The following CDC14A variants were observed in gnomAD, a reference collection of about 807,000 sequenced individuals.
The protein encoded by CDC14A is dual specificity protein phosphatase CDC14A.
CDC14A carries 53 observed loss-of-function variants against 74.4 expected under a neutral mutation model. That is an observed-to-expected ratio of 0.71 (90% CI 0.57 to 0.89). CDC14A has a LOEUF of 0.89. Among genes scored for constraint, CDC14A ranks in the 40% least tolerant of loss-of-function variants. CDC14A has a pLI of 0.00. For synonymous variants in CDC14A, 247 were observed against 258.4 expected (o/e 0.96, Z 0.43); for missense variants, 646 against 713.7 (o/e 0.91, Z 1.08).
rs747342917 is a variant in CDC14A at position 100,499,158 on chromosome 1, C to G, written c.1651C>G (p.Pro551Ala). The change falls in exon 15 of 16, where the codon CCA becomes GCA. Residue 551 changes from proline (P) to alanine (A), a missense_variant. Physicochemically the swap from Pro to Ala is conservative, Grantham distance 27. Transcript: ENST00000336454. ...CAACGGGGGCAACCTGAACAGCCCC[C>G]CAGGCCCCCACAGCGCCAAGACAGA... is the stretch of plus-strand genomic sequence containing the variant. ...NSNGGNLNSP[P>A]GPHSAKTEEH... 1.2e-6 allele frequency: 2 copies of G among 1,614,134 alleles called. No individual in the cohort carries two copies. The highest frequency in any genetic ancestry group is 1.6e-4 in the Middle Eastern group (1 of 6,062).
chr1:100,385,381 C>G (rs1656692848), intron 3 of CDC14A, among the ~76,000 whole-genome samples: 1 of 152,154 alleles, frequency 6.6e-6, no homozygotes. Context: ...ACCCAGCAAT[C>G]TGTGTTTTAA....
chr1:100,466,940 T>A (rs1667891365), intron 9 of CDC14A, among the ~76,000 whole-genome samples: 1 of 151,740 alleles, frequency 6.6e-6, no homozygotes, highest in South Asian at 2.1e-4. Context: ...ACAAAATTGT[T>A]GTTTTAGTGG....
At position 100,447,458 on chromosome 1, in the gene CDC14A, CT is replaced by C. The variant is rs1314898259; in HGVS notation, c.519+4463del. Among the ~76,000 whole-genome samples the C allele has an allele frequency of 6.6e-5, 10 of 152,336 alleles. No homozygotes were observed. The East Asian group carries it at 1.9e-3, about 29-fold the overall frequency. ...ATGCTGGGAAGGTCCACAAAAGTAA[CT>C]GTGAGATGGTGGTCCAAAACCTTCC... is the stretch of plus-strand genomic sequence containing the variant. On this transcript the variant is annotated intron_variant, in intron 7 of 15. Coordinates refer to ENST00000336454, the MANE Select transcript of CDC14A (RefSeq NM_003672.4).
Position 100,377,583 on chromosome 1 carries a change from G to A in CDC14A, c.178G>A (p.Val60Met). The A allele has an allele frequency of 1.2e-6, 2 of 1,613,650 alleles. No homozygotes were observed. The highest frequency in any genetic ancestry group is 2.2e-5 in the East Asian group (1 of 44,860). Reference sequence around the variant, plus strand: ...TTTTGGACCGCTGAACTTGGCAATGGTGTACAGATATTGCTGCAAACTAAA... The same window carrying A: ...TTTTGGACCGCTGAACTTGGCAATGATGTACAGATATTGCTGCAAACTAAA... ...ADFGPLNLAM[V>M]YRYCCKLNKK... Residue 60 changes from valine (V) to methionine (M), a missense_variant, in exon 3 of 16, where the codon GTG becomes ATG. By Grantham distance (21) the Val-to-Met change is conservative. Transcript: ENST00000336454.
intron 1 of CDC14A, among the ~76,000 whole-genome samples, chr1:100,346,643 A>AC (rs1212886421): frequency 3.9e-5 from 6 of 152,136 alleles, no homozygotes; most frequent in African/African-American, 7.2e-5. Flanking sequence ...AAAAAAAAAA[A>AC]AAAAAAGTAG....
chr1:100,452,466 G>C (rs948085681), intron 7 of CDC14A, among the ~76,000 whole-genome samples: 1 of 152,096 alleles, frequency 6.6e-6, no homozygotes, highest in Non-Finnish European at 1.5e-5. Context: ...AGCTGAGATC[G>C]CACCGTTGCA....
intron 3 of CDC14A, among the ~76,000 whole-genome samples, chr1:100,384,171 C>T (rs777594018): frequency 3.9e-5 from 6 of 152,164 alleles, no homozygotes; most frequent in Non-Finnish European, 7.4e-5. Context: ...TGTCTGGGGT[C>T]AATACCCTTA....
chr1:100,390,712 T>A lies in CDC14A; in HGVS notation c.217-20T>A, dbSNP rs375521987. ...TTTGTCTCTATGGTTACACTAACTC[T>A]TTTTATCTCCTCTTTCTAGTCATAC... On this transcript the variant is annotated intron_variant, in intron 3 of 15. Coordinates refer to ENST00000336454, the MANE Select transcript of CDC14A (RefSeq NM_003672.4). 9.0e-5 allele frequency: 136 copies of A among 1,516,084 alleles called. No homozygotes were observed. The highest frequency in any genetic ancestry group is 1.1e-4 in the Non-Finnish European group (123 of 1,092,758). 93.9% of individuals were successfully genotyped at this position (1,516,084 alleles called of 1,614,324 possible).
At chr1:100,429,776 T>C (rs1663432017) in intron 5 of CDC14A, among the ~76,000 whole-genome samples, 1 of 147,524 alleles carries the variant, frequency 6.8e-6, no homozygotes, top group African/African-American at 2.5e-5. Context: ...ATCAAGTGTG[T>C]ATATATATAT....
chr1:100,439,879 A>G (rs1557761517), intron 5 of CDC14A, 53 bp from the exon 6 acceptor site: 1 of 1,294,828 alleles, frequency 7.7e-7, no homozygotes, highest in East Asian at 2.3e-5. Flanking sequence ...ATATTTTATT[A>G]TTTGAATGTT....
At chr1:100,498,817 C>T in intron 14 of CDC14A, 112 bp from the exon 15 acceptor site, 2 of 1,387,074 alleles carry the variant, frequency 1.4e-6, no homozygotes, top group Middle Eastern at 2.1e-4. Flanking sequence ...TGATCAGATT[C>T]ATCTTCATCA....
upstream of CDC14A, chr1:100,351,701 C>G (rs1651025096): frequency 6.6e-7 from 1 of 1,516,918 alleles, no homozygotes; most frequent in Non-Finnish European, 9.0e-7. Context: ...GATTAGGCAT[C>G]TGTGATGCTT....
intron 2 of CDC14A, among the ~76,000 whole-genome samples, chr1:100,360,108 A>ATTTTTT (rs35028152): frequency 8.1e-6 from 1 of 123,726 alleles, no homozygotes. Context: ...ACACCCAGCT[A>ATTTTTT]TTTTTTTTTT....
chr1:100,491,634 C>T lies in CDC14A; in HGVS notation c.1138-3184C>T, dbSNP rs186924910. Among the ~76,000 whole-genome samples, 186 of 121,458 alleles carry T rather than the reference C, an allele frequency of 1.5e-3. 5 individuals are homozygous for T. In the East Asian group the frequency reaches 0.036, roughly 24 times the overall value. 79.7% of individuals were successfully genotyped at this position (121,458 alleles called of 152,430 possible). On this transcript the variant is annotated intron_variant, in intron 11 of 15. Transcript: ENST00000336454. ...TGGCCCAAGCTGGAGTGCAGTGGTGCGATCTAGGCTCACTGCAACCTCTGC... is the reference window on the plus strand; with the variant it reads ...TGGCCCAAGCTGGAGTGCAGTGGTGTGATCTAGGCTCACTGCAACCTCTGC...
At chr1:100,390,923 CGGT>C (rs1557708321) in intron 4 of CDC14A, 99 bp downstream of exon 4, 5 of 808,464 alleles carry the variant, frequency 6.2e-6, no homozygotes, top group Non-Finnish European at 1.1e-5. Flanking sequence ...GATTGAGAGA[CGGT>C]GGAGATTATT....
chr1:100,420,082 A>ATATATATATATATATATAGTGT (rs58124351), intron 4 of CDC14A, among the ~76,000 whole-genome samples: 14 of 105,540 alleles, frequency 1.3e-4, no homozygotes, highest in Non-Finnish European at 2.4e-4. Flanking sequence ...ATATATATAT[A>ATATATATATATATATATAGTGT]GTGTGTATGT....
chr1:100,390,776 T>G lies in CDC14A; in HGVS notation c.261T>G (p.Phe87Leu). Residue 87 changes from phenylalanine (F) to leucine (L), a missense_variant, in exon 4 of 16, where the codon TTT becomes TTG. Physicochemically the swap from Phe to Leu is conservative, Grantham distance 22 (BLOSUM62 0). Transcript: ENST00000336454. ...AGAAAATAGTGCACTACACCTGTTT[T>G]GACCAACGGAAAAGAGCAAATGCAG... The part of the protein sequence containing the change: ...SRKKIVHYTC[F>L]DQRKRANAAF... 6.2e-7 allele frequency: 1 copy of G among 1,613,388 alleles called. No individual in the cohort carries two copies. Among genetic ancestry groups the G allele is most frequent in the South Asian group, 1.1e-5 (1 of 91,078 alleles).
chr1:100,491,518 A>ATCTC (rs761858427), intron 11 of CDC14A, among the ~76,000 whole-genome samples: 1,662 of 26,398 alleles, frequency 0.063, 139 homozygotes, highest in Non-Finnish European at 0.098. Flanking sequence ...ATATATCTGC[A>ATCTC]TCTCTCTCTC....
upstream of CDC14A, among the ~76,000 whole-genome samples, chr1:100,347,787 A>G (rs1012451027): frequency 2.6e-5 from 4 of 152,350 alleles, no homozygotes; most frequent in East Asian, 7.7e-4. Context: ...TACAGAAAGA[A>G]TTCAAAGTAT....
Sources: allele counts gnomAD v4.1 joint callset (sites outside exome capture counted in the v4.1 genomes callset), GRCh38; gene constraint gnomAD v4.1.1; transcripts MANE v1.5; gene names NCBI Gene and HGNC (gene_info 2026-07-23, HGNC 2026-07-21).